Variants in EXD3 observed in about 807,000 individuals in gnomAD.
The protein encoded by EXD3 is exonuclease 3'-5' domain containing 3, also known as exonuclease mut-7 homolog.
Under a neutral mutation model 98.0 loss-of-function variants are expected in EXD3, and 92 were observed. That is an observed-to-expected ratio of 0.94 (90% CI 0.79 to 1.12). EXD3 has a LOEUF of 1.12. EXD3 is among the 50% of genes most tolerant of loss of function. The probability of loss-of-function intolerance (pLI) is 0.00; values close to 1 mark genes in which losing one functional copy is unlikely to be tolerated. For missense variants in EXD3, 1,222 were observed against 1,191.6 expected (o/e 1.03, Z -0.38); for synonymous variants, 569 against 526.0 (o/e 1.08, Z -1.12).
At chr9:137,332,670 C>G (rs146405344) in intron 17 of EXD3, among the ~76,000 whole-genome samples, 1 of 151,142 alleles carries the variant, frequency 6.6e-6, no homozygotes, top group South Asian at 2.1e-4. Context: ...AGTGAAACCC[C>G]GTCTCTACTA....
chr9:137,353,645 G>C, intron 10 of EXD3: 1 of 985,980 alleles, frequency 1.0e-6, no homozygotes, highest in Non-Finnish European at 1.2e-6. Flanking sequence ...GGCACCTACA[G>C]GCCTGCGGGA....
chr9:137,413,876 T>C (rs1237442105), intron 1 of EXD3, among the ~76,000 whole-genome samples: 1 of 151,990 alleles, frequency 6.6e-6, no homozygotes, highest in Non-Finnish European at 1.5e-5. Flanking sequence ...ATTTTGGGCA[T>C]TTCCTATAAA....
intron 5 of EXD3, among the ~76,000 whole-genome samples, chr9:137,369,154 C>G (rs1476868569): frequency 1.5e-5 from 2 of 133,656 alleles, no homozygotes; most frequent in East Asian, 4.5e-4. Context: ...CGGGGCGGGG[C>G]CTCAGGGCCG....
chr9:137,340,823 G>A (rs7847470), intron 17 of EXD3, among the ~76,000 whole-genome samples: 144,795 of 152,306 alleles, frequency 0.95, 68,901 homozygotes, highest in East Asian at 1. Context: ...TGGCCTCAAT[G>A]TCTTAAATAT....
At chr9:137,357,998 G>A (rs1034887949) in intron 7 of EXD3, among the ~76,000 whole-genome samples, 2 of 152,010 alleles carry the variant, frequency 1.3e-5, no homozygotes, top group African/African-American at 4.8e-5. Flanking sequence ...TGATGAGACG[G>A]TGCCCACTGA....
At chr9:137,363,510 G>A (rs940713578) in intron 7 of EXD3, among the ~76,000 whole-genome samples, 11 of 151,490 alleles carry the variant, frequency 7.3e-5, no homozygotes, top group South Asian at 6.2e-4. Context: ...GCTAATTTTC[G>A]TATTTTTAGT....
chr9:137,417,551 C>G (rs571508626), intron 1 of EXD3, among the ~76,000 whole-genome samples: 41 of 152,310 alleles, frequency 2.7e-4, no homozygotes, highest in African/African-American at 9.1e-4. Context: ...CAGTTCCTCT[C>G]CCGGGCAGAG....
intron 17 of EXD3, among the ~76,000 whole-genome samples, chr9:137,328,657 C>T (rs1564477535): frequency 3.9e-5 from 3 of 75,950 alleles, no homozygotes; most frequent in African/African-American, 2.1e-4. Flanking sequence ...CGGGACTACA[C>T]GGGACTACAC....
In EXD3 at chr9:137,393,899, C is replaced by T. The variant is rs974424008; in HGVS notation, c.55+1404G>A. 1.3e-5 allele frequency among the ~76,000 whole-genome samples: 2 copies of T among 152,286 alleles called. No homozygotes were observed. The highest frequency in any genetic ancestry group is 2.9e-5 in the Non-Finnish European group (2 of 67,996). On this transcript the variant is annotated intron_variant, in intron 2 of 21. Coordinates refer to ENST00000340951, the MANE Select transcript of EXD3 (RefSeq NM_017820.5). This position sits in a 1 kb window ranked among gnomAD's most constrained non-coding sequence, Gnocchi z 4.6. ...GGCTGGGCCAGGGCCTTACAGCTCT[C>T]ACTGCTGTTTACAAGGACTGCAGGG...
At position 137,348,059 on chromosome 9, in the gene EXD3, C is replaced by T; in HGVS notation, c.1998+12G>A. The T allele has an allele frequency of 2.5e-6, 4 of 1,607,790 alleles. No homozygotes were observed. Among genetic ancestry groups the T allele is most frequent in the Non-Finnish European group, 3.4e-6 (4 of 1,178,698 alleles). ...CCTTGGGAGGACCCCAAGACCCTCCCCGCAAACTCACCTCGGCCGCCCTGC... is the reference window on the plus strand; with the variant it reads ...CCTTGGGAGGACCCCAAGACCCTCCTCGCAAACTCACCTCGGCCGCCCTGC... On this transcript the variant is annotated intron_variant, in intron 17 of 21. Transcript: ENST00000340951.
At chr9:137,331,581 TGTGCACAAATCA>T (rs1354404106) in intron 17 of EXD3, among the ~76,000 whole-genome samples, 35 of 152,278 alleles carry the variant, frequency 2.3e-4, no homozygotes, top group African/African-American at 7.5e-4. Flanking sequence ...ACAAAATAAA[TGTGCACAAATCA>T]GTAGCACAAC....
chr9:137,395,969 T>TC lies in EXD3; in HGVS notation c.-47-566dup, dbSNP rs1837200352. 6.8e-6 allele frequency among the ~76,000 whole-genome samples: 1 copy of TC among 147,526 alleles called. No individual in the cohort carries two copies. Among genetic ancestry groups the TC allele is most frequent in the Non-Finnish European group, 1.5e-5 (1 of 67,222 alleles). ...TTTTTTTTTCTTTTCTTTCTTTCTT[T>TC]CTTTTTTTTTTTTTTGGAGACAGAG... On this transcript the variant is annotated intron_variant, in intron 1 of 21. Coordinates refer to ENST00000340951, the MANE Select transcript of EXD3 (RefSeq NM_017820.5). This position sits in a 1 kb window ranked among gnomAD's most constrained non-coding sequence, Gnocchi z 6.5.
At chr9:137,311,170 G>A (rs1564460415) in intron 19 of EXD3, among the ~76,000 whole-genome samples, 1 of 152,210 alleles carries the variant, frequency 6.6e-6, no homozygotes. Context: ...GGCTGGGCTA[G>A]GGAGACAGGA....
intron 3 of EXD3, chr9:137,374,502 G>T (rs999637489): frequency 1.0e-6 from 1 of 957,674 alleles, no homozygotes; most frequent in Non-Finnish European, 1.2e-6. Flanking sequence ...CTGCCGCGCA[G>T]CTTTGAAAGC....
chr9:137,309,537 C>CAGTAGGTACTGAGGTA, intron 20 of EXD3, 70 bp downstream of exon 20: 2 of 1,317,880 alleles, frequency 1.5e-6, no homozygotes, highest in Non-Finnish European at 2.1e-6. Flanking sequence ...AGGCCCCTCT[C>CAGTAGGTACTGAGGTA]CCTGGCTACC....
chr9:137,401,239 C>T (rs1340347180), intron 1 of EXD3, among the ~76,000 whole-genome samples: 1 of 150,964 alleles, frequency 6.6e-6, no homozygotes, highest in Non-Finnish European at 1.5e-5. Flanking sequence ...CTGCAAGCTC[C>T]ACCTCCCGGG....
chr9:137,377,813 G>A (rs188109012), intron 3 of EXD3, among the ~76,000 whole-genome samples: 2,852 of 143,434 alleles, frequency 0.02, 102 homozygotes, highest in African/African-American at 0.069. Flanking sequence ...TTTTTTCCTG[G>A]GACAGAGTCT....
rs138539708 is a variant in EXD3 at position 137,321,494 on chromosome 9, C to T, written c.2184+2231G>A. 4.2e-3 allele frequency among the ~76,000 whole-genome samples: 647 copies of T among 152,302 alleles called. 1 individual carries two copies. Among genetic ancestry groups the T allele is most frequent in the Non-Finnish European group, 7.2e-3 (492 of 68,022 alleles). On this transcript the variant is annotated intron_variant, in intron 19 of 21. Coordinates refer to ENST00000340951, the MANE Select transcript of EXD3 (RefSeq NM_017820.5). ...GGTCAGGAGTTCAAGACCAGCCTGACCAACATGGTGAAACCCTGTCTCTAC... is the reference window on the plus strand; with the variant it reads ...GGTCAGGAGTTCAAGACCAGCCTGATCAACATGGTGAAACCCTGTCTCTAC...
At chr9:137,420,739 C>G (rs943105868) in intron 1 of EXD3, among the ~76,000 whole-genome samples, 4 of 134,890 alleles carry the variant, frequency 3.0e-5, no homozygotes, top group East Asian at 4.3e-4. Flanking sequence ...AGACATTCAC[C>G]CCCCCCCCCA....
Sources: allele counts gnomAD v4.1 joint callset (sites outside exome capture counted in the v4.1 genomes callset), GRCh38; gene constraint gnomAD v4.1.1; non-coding constraint Gnocchi (gnomAD v3.1); transcripts MANE v1.5; gene names NCBI Gene and HGNC (gene_info 2026-07-23, HGNC 2026-07-21).